The following SUPT3H variants were observed in gnomAD, a reference collection of about 807,000 sequenced individuals.
The protein encoded by SUPT3H is transcription initiation protein SPT3 homolog.
In SUPT3H, 44 loss-of-function variants were observed where a neutral mutation model predicts 44.3. That is an observed-to-expected ratio of 0.99 (90% CI 0.78 to 1.28). The LOEUF is 1.28. SUPT3H is among the 50% of genes most tolerant of loss of function. SUPT3H has a pLI of 0.00. For synonymous variants in SUPT3H, 124 were observed against 125.6 expected (o/e 0.99, Z 0.09); for missense variants, 380 against 387.1 (o/e 0.98, Z 0.15).
intron 11 of SUPT3H, among the ~76,000 whole-genome samples, chr6:44,817,135 C>T (rs1766969108): frequency 6.6e-6 from 1 of 151,300 alleles, no homozygotes; most frequent in Non-Finnish European, 1.5e-5. Context: ...CATGCCCACA[C>T]ACACGGAGGT....
intron 10 of SUPT3H, among the ~76,000 whole-genome samples, chr6:44,836,533 GC>G (rs2153413677): frequency 6.6e-6 from 1 of 152,138 alleles, no homozygotes; most frequent in African/African-American, 2.4e-5. Context: ...GTCATTTTAT[GC>G]CCGATTTTCC....
At chr6:45,235,034 T>C (rs976536983) in intron 2 of SUPT3H, among the ~76,000 whole-genome samples, 2 of 151,690 alleles carry the variant, frequency 1.3e-5, no homozygotes, top group Admixed American at 1.3e-4. Flanking sequence ...AGGAAAAAAA[T>C]GACACAGAAA....
chr6:45,101,366 G>A (rs941821035), intron 3 of SUPT3H, among the ~76,000 whole-genome samples: 5 of 152,104 alleles, frequency 3.3e-5, no homozygotes, highest in African/African-American at 9.7e-5. Context: ...CGGAGGTTGC[G>A]GTGAGCCGAG....
At chr6:45,325,482 C>G (rs1786203240) in intron 2 of SUPT3H, among the ~76,000 whole-genome samples, 1 of 151,800 alleles carries the variant, frequency 6.6e-6, no homozygotes. Context: ...ATACCAACAA[C>G]TTTTTTTCTT....
At chr6:45,347,494 T>C (rs1017702687) in intron 2 of SUPT3H, among the ~76,000 whole-genome samples, 2 of 152,134 alleles carry the variant, frequency 1.3e-5, no homozygotes, top group South Asian at 2.1e-4. Flanking sequence ...AGGCAAGATG[T>C]TAAGTTTGAG....
chr6:45,106,630 G>A (rs564851946), intron 2 of SUPT3H, among the ~76,000 whole-genome samples: 15 of 151,956 alleles, frequency 9.9e-5, no homozygotes, highest in South Asian at 8.3e-4. Context: ...TCCGCCTCCC[G>A]GGTTCAAGCA....
At chr6:45,274,309 T>C (rs1174868599) in intron 2 of SUPT3H, among the ~76,000 whole-genome samples, 1 of 152,246 alleles carries the variant, frequency 6.6e-6, no homozygotes, top group African/African-American at 2.4e-5. Context: ...CCAATTTACC[T>C]TTTTTCCTTT....
At chr6:44,910,482 A>C (rs1766839857) in intron 10 of SUPT3H, among the ~76,000 whole-genome samples, 1 of 152,208 alleles carries the variant, frequency 6.6e-6, no homozygotes, top group Non-Finnish European at 1.5e-5. Flanking sequence ...CATGGGATTT[A>C]AGTAACTTTT....
intron 11 of SUPT3H, among the ~76,000 whole-genome samples, chr6:44,820,152 G>A (rs1767197197): frequency 6.6e-6 from 1 of 152,192 alleles, no homozygotes; most frequent in South Asian, 2.1e-4. Context: ...CCAGGAGGCA[G>A]GGGTTGCGGT....
chr6:45,185,751 A>G (rs1434003707), intron 2 of SUPT3H, among the ~76,000 whole-genome samples: 3 of 152,238 alleles, frequency 2.0e-5, no homozygotes, highest in Non-Finnish European at 2.9e-5. Flanking sequence ...CAATTCCTGT[A>G]TATTATTTCC....
intron 10 of SUPT3H, among the ~76,000 whole-genome samples, chr6:44,849,221 T>TAA (rs369676118): frequency 0.045 from 149 of 3,340 alleles, 3 homozygotes; most frequent in South Asian, 0.35. Flanking sequence ...AAATGAATAC[T>TAA]TTTTTTTTTT....
rs1476132862 is a variant in SUPT3H, at chr6:45,095,573, T to C, written c.186+10349A>G. On this transcript the variant is annotated intron_variant, in intron 3 of 10. Coordinates refer to ENST00000371459, the MANE Select transcript of SUPT3H (RefSeq NM_003599.4). This position sits in a 1 kb window ranked among gnomAD's most constrained non-coding sequence, Gnocchi z 4.1. ...GATAAATTGGTTCTGATGTGAAAAC[T>C]AGTGTAACCAACTACACAGCTTACT... is the stretch of plus-strand genomic sequence containing the variant. Among the ~76,000 whole-genome samples, 1 of 152,184 alleles carries C rather than the reference T, an allele frequency of 6.6e-6. No individual in the cohort carries two copies. The highest frequency in any genetic ancestry group is 1.5e-5 in the Non-Finnish European group (1 of 68,004).
intron 2 of SUPT3H, among the ~76,000 whole-genome samples, chr6:45,182,494 T>C (rs1372912751): frequency 6.6e-6 from 1 of 152,156 alleles, no homozygotes; most frequent in Admixed American, 6.5e-5. Context: ...TCTTCTGACC[T>C]CAGGTGATCT....
chr6:44,851,264 A>G (rs537765724), intron 10 of SUPT3H, among the ~76,000 whole-genome samples: 1 of 152,310 alleles, frequency 6.6e-6, no homozygotes, highest in African/African-American at 2.4e-5. Flanking sequence ...TAACACCAAT[A>G]TCTAAGGAAT....
intron 6 of SUPT3H, among the ~76,000 whole-genome samples, chr6:44,967,796 C>T (rs1008586793): frequency 7.2e-5 from 11 of 151,984 alleles, no homozygotes; most frequent in African/African-American, 2.4e-4. Flanking sequence ...ACATTTTTTT[C>T]ATTTCTTTTT....
chr6:45,188,206 T>C (rs897135300), intron 2 of SUPT3H, among the ~76,000 whole-genome samples: 1 of 152,222 alleles, frequency 6.6e-6, no homozygotes, highest in Admixed American at 6.5e-5. Context: ...GCAATTCCAA[T>C]TTGCCAAAGA....
At chr6:45,073,136 T>C (rs988347858) in intron 3 of SUPT3H, among the ~76,000 whole-genome samples, 5 of 152,114 alleles carry the variant, frequency 3.3e-5, no homozygotes, top group Non-Finnish European at 7.4e-5. Flanking sequence ...ATAGTCTTCA[T>C]TATCTACGCT....
At chr6:45,334,996 T>TA (rs761258572) in intron 2 of SUPT3H, among the ~76,000 whole-genome samples, 1 of 151,260 alleles carries the variant, frequency 6.6e-6, no homozygotes, top group Admixed American at 6.6e-5. Context: ...AACAAAGTAT[T>TA]AGAGTTTATA....
intron 2 of SUPT3H, among the ~76,000 whole-genome samples, chr6:45,186,617 C>CTGG (rs1814260000): frequency 1.3e-5 from 2 of 152,114 alleles, no homozygotes; most frequent in South Asian, 4.1e-4. Flanking sequence ...GAATTAACAT[C>CTGG]TAATAAGGTT....
Sources: gnomAD v4.1 joint callset for allele counts (sites outside exome capture counted in the v4.1 genomes callset) on GRCh38, gnomAD v4.1.1 for gene constraint, Gnocchi (gnomAD v3.1) non-coding constraint, MANE v1.5 for transcripts, NCBI Gene and HGNC (gene_info 2026-07-23, HGNC 2026-07-21) for gene names.